The following NRG2 variants were observed in gnomAD, a reference collection of about 807,000 sequenced individuals.
NRG2 encodes the protein neuregulin 2.
A neutral mutation model predicts 73.9 loss-of-function variants in NRG2; 27 were observed. The observed-to-expected ratio is 0.37, with a 90% CI of 0.27 to 0.50. The LOEUF is 0.50. Ranked by LOEUF, NRG2 falls within the 20% of genes least tolerant of loss-of-function variation. The pLI is 0.96. For missense variants in NRG2, 1,126 were observed against 1,210.1 expected, an observed-to-expected ratio of 0.93 and a Z score of 1.03; for synonymous variants, 532 against 541.0, an observed-to-expected ratio of 0.98 and a Z score of 0.23.
chr5:139,929,561 T>C (rs778009858), intron 1 of NRG2, among the ~76,000 whole-genome samples: 1 of 152,166 alleles, frequency 6.6e-6, no homozygotes, highest in Non-Finnish European at 1.5e-5. Flanking sequence ...GGCTATGCAT[T>C]CCTCAGAAGC....
chr5:140,021,274 T>C (rs949075878), intron 1 of NRG2, among the ~76,000 whole-genome samples: 1 of 152,226 alleles, frequency 6.6e-6, no homozygotes, highest in African/African-American at 2.4e-5. Context: ...AAATGGAGTT[T>C]AAACTGACAT....
chr5:139,851,981 C>A lies in NRG2; in HGVS notation c.1545-150G>T. 1 of 675,456 alleles carries A rather than the reference C, an allele frequency of 1.5e-6. No homozygotes were observed. The allele number at this position is 675,456 out of a possible 1,614,324, so 41.8% of individuals were successfully genotyped here. On this transcript the variant is annotated intron_variant, in intron 8 of 9. Transcript: ENST00000361474. This position sits in a 1 kb window ranked among gnomAD's most constrained non-coding sequence, Gnocchi z 4.2. ...CACTCTGGGGTGATGTGTATTGTTG[C>A]AAATGCCCAACCCCAATATTGGAAG...
intron 1 of NRG2, among the ~76,000 whole-genome samples, chr5:139,964,628 C>T (rs1036982367): frequency 1.3e-5 from 2 of 152,188 alleles, no homozygotes; most frequent in Admixed American, 6.5e-5. Context: ...TGGACACAGG[C>T]ATTTGCAGAC....
At chr5:139,916,946 C>T (rs191225185) in intron 1 of NRG2, among the ~76,000 whole-genome samples, 3 of 152,140 alleles carry the variant, frequency 2.0e-5, no homozygotes, top group African/African-American at 7.2e-5. Context: ...AGTAAGATTG[C>T]TCAGTCATAT....
intron 1 of NRG2, among the ~76,000 whole-genome samples, chr5:139,922,949 G>A (rs1216436681): frequency 2.0e-5 from 3 of 152,160 alleles, no homozygotes; most frequent in Non-Finnish European, 4.4e-5. Flanking sequence ...GAGGTTGAGG[G>A]GAGGGAGGAA....
intron 3 of NRG2, among the ~76,000 whole-genome samples, chr5:139,876,508 A>G (rs1299438884): frequency 1.3e-5 from 2 of 152,200 alleles, no homozygotes; most frequent in African/African-American, 4.8e-5. Context: ...AATTAATTTA[A>G]AAAAGCACCC....
chr5:139,901,487 G>A (rs1176107328), intron 1 of NRG2, among the ~76,000 whole-genome samples: 1 of 152,174 alleles, frequency 6.6e-6, no homozygotes, highest in African/African-American at 2.4e-5. Flanking sequence ...ACATGCACAT[G>A]AGCATATCCC....
At chr5:139,937,345 G>A (rs74327833) in intron 1 of NRG2, among the ~76,000 whole-genome samples, 1,956 of 152,202 alleles carry the variant, frequency 0.013, 32 homozygotes, top group African/African-American at 0.044. Flanking sequence ...ATCTACAAAA[G>A]ACCTACAGCT....
chr5:139,860,278 CT>C (rs999473745), intron 5 of NRG2, among the ~76,000 whole-genome samples: 18 of 152,150 alleles, frequency 1.2e-4, no homozygotes, highest in Admixed American at 2.6e-4. Flanking sequence ...AGGAGCCCCC[CT>C]GCTCCTCCCA....
chr5:139,864,756 GCACA>G (rs111734532), intron 5 of NRG2, among the ~76,000 whole-genome samples: 3 of 148,828 alleles, frequency 2.0e-5, no homozygotes, highest in Admixed American at 1.3e-4. Flanking sequence ...AAACACGTCG[GCACA>G]CACACACACA....
chr5:139,874,295 T>C (rs1250255576), intron 3 of NRG2, among the ~76,000 whole-genome samples: 1 of 152,222 alleles, frequency 6.6e-6, no homozygotes, highest in Non-Finnish European at 1.5e-5. Context: ...ACTCTCCCTT[T>C]ACACCTCCAC....
chr5:139,931,074 T>G (rs757471262), intron 1 of NRG2, among the ~76,000 whole-genome samples: 1 of 152,218 alleles, frequency 6.6e-6, no homozygotes, highest in Non-Finnish European at 1.5e-5. Flanking sequence ...GCTTCATCAT[T>G]TAACCTTTCT....
intron 1 of NRG2, among the ~76,000 whole-genome samples, chr5:140,028,736 T>A (rs1169883491): frequency 6.6e-6 from 1 of 152,170 alleles, no homozygotes; most frequent in Non-Finnish European, 1.5e-5. Flanking sequence ...TTGACCGTCC[T>A]TCCACCAAAA....
intron 1 of NRG2, among the ~76,000 whole-genome samples, chr5:140,036,911 C>G (rs771012409): frequency 1.3e-5 from 2 of 152,202 alleles, no homozygotes; most frequent in Non-Finnish European, 2.9e-5. Flanking sequence ...AAGCAAACAG[C>G]GCTTAGAGGG....
At chr5:139,930,333 G>GAGAT (rs1398646987) in intron 1 of NRG2, among the ~76,000 whole-genome samples, 3 of 152,196 alleles carry the variant, frequency 2.0e-5, no homozygotes, top group Non-Finnish European at 4.4e-5. Flanking sequence ...AAGCAGCAAG[G>GAGAT]AGATGATCAT....
At chr5:139,880,585 C>A (rs1763468138) in intron 3 of NRG2, among the ~76,000 whole-genome samples, 1 of 152,180 alleles carries the variant, frequency 6.6e-6, no homozygotes, top group Non-Finnish European at 1.5e-5. Context: ...ATCCTTTCCC[C>A]ACCCCCACCT....
chr5:139,865,658 A>C lies in NRG2; in HGVS notation c.1113-33T>G. 6.4e-7 allele frequency: 1 copy of C among 1,564,046 alleles called. No homozygotes were observed. Among genetic ancestry groups the C allele is most frequent in the Non-Finnish European group, 8.7e-7 (1 of 1,145,518 alleles). On this transcript the variant is annotated intron_variant, in intron 4 of 9. Transcript: ENST00000361474. This position sits in a 1 kb window ranked among gnomAD's most constrained non-coding sequence, Gnocchi z 5.2. ...AGGAAAAGGGGAAAAATCACAGAACAAACTGGCATCATCCGCGAGGCTAAG... is the reference window on the plus strand; with the variant it reads ...AGGAAAAGGGGAAAAATCACAGAACCAACTGGCATCATCCGCGAGGCTAAG...
At chr5:139,960,728 T>C (rs755841290) in intron 1 of NRG2, among the ~76,000 whole-genome samples, 12 of 152,232 alleles carry the variant, frequency 7.9e-5, no homozygotes, top group Non-Finnish European at 1.2e-4. Context: ...TTGCTCAACA[T>C]TGACAACTTA....
At chr5:139,949,058 T>TGGTA (rs1754000390) in intron 1 of NRG2, among the ~76,000 whole-genome samples, 1 of 152,088 alleles carries the variant, frequency 6.6e-6, no homozygotes, top group African/African-American at 2.4e-5. Context: ...TCTCCAAAAA[T>TGGTA]CTGTAGTGTA....
Sources: allele counts gnomAD v4.1 joint callset (sites outside exome capture counted in the v4.1 genomes callset), GRCh38; gene constraint gnomAD v4.1.1; non-coding constraint Gnocchi (gnomAD v3.1); transcripts MANE v1.5; gene names NCBI Gene and HGNC (gene_info 2026-07-23, HGNC 2026-07-21).